Variants in PLET1 observed in about 807,000 individuals in gnomAD.
The protein encoded by PLET1 is placenta expressed transcript 1, also known as placenta-expressed transcript 1 protein.
In PLET1, 20 loss-of-function variants were observed where a neutral mutation model predicts 18.5. The observed-to-expected ratio is 1.08, with a 90% CI of 0.76 to 1.57. The LOEUF (loss-of-function observed/expected upper bound fraction) is 1.57. Ranked by LOEUF, PLET1 falls within the 40% of genes most tolerant of loss-of-function variation. The probability of loss-of-function intolerance (pLI) is 0.00; values close to 1 mark genes in which losing one functional copy is unlikely to be tolerated. For missense variants in PLET1, 256 were observed against 246.4 expected, an observed-to-expected ratio of 1.04 and a Z score of -0.26; for synonymous variants, 93 against 93.8, an observed-to-expected ratio of 0.99 and a Z score of 0.05.
chr11:112,250,602 C>G (rs1860145875), intron 3 of PLET1, among the ~76,000 whole-genome samples: 1 of 152,174 alleles, frequency 6.6e-6, no homozygotes, highest in Admixed American at 6.5e-5. Flanking sequence ...TTAGTTTAGT[C>G]TTTACATAGA....
At chr11:112,256,935 C>T (rs947660560) in intron 1 of PLET1, among the ~76,000 whole-genome samples, 2 of 152,236 alleles carry the variant, frequency 1.3e-5, no homozygotes, top group African/African-American at 4.8e-5. Context: ...TCCTAGGCAC[C>T]TATATTTTCT....
At chr11:112,250,276 A>G (rs1202390770) in intron 3 of PLET1, among the ~76,000 whole-genome samples, 1 of 111,828 alleles carries the variant, frequency 8.9e-6, no homozygotes, top group Non-Finnish European at 1.7e-5. Context: ...GGGAAGCAGG[A>G]GCCTAGGAGA....
In PLET1 at chr11:112,249,982, AAAG is replaced by A. The variant is rs1347722055; in HGVS notation, c.449-1011_449-1009del. On this transcript the variant is annotated intron_variant, in intron 3 of 3. Transcript: ENST00000338832. ...AAAAATTAAAAAAAAAAAAAAAAAA[AAAG>A]GAAAAGGAAGAAGGGGAATGTCCAG... Among the ~76,000 whole-genome samples, 710 of 149,430 alleles carry A rather than the reference AAAG, an allele frequency of 4.8e-3. 7 individuals carry two copies. Among genetic ancestry groups the A allele is most frequent in the African/African-American group, 0.016 (672 of 40,748 alleles).
intron 3 of PLET1, among the ~76,000 whole-genome samples, chr11:112,249,964 A>T (rs1427269398): frequency 3.5e-4 from 4 of 11,450 alleles, no homozygotes; most frequent in Non-Finnish European, 7.5e-4. Flanking sequence ...CTCAAAAATT[A>T]AAAAAAAAAA....
At chr11:112,251,627 G>T (rs1378127051) in intron 3 of PLET1, among the ~76,000 whole-genome samples, 1 of 152,048 alleles carries the variant, frequency 6.6e-6, no homozygotes, top group Non-Finnish European at 1.5e-5. Flanking sequence ...GCCCAGGTTG[G>T]TCTTGAGCTC....
rs553600012 is a variant in PLET1, at chr11:112,254,734, TGTG to T, written c.386+651_386+653del. On this transcript the variant is annotated intron_variant, in intron 2 of 3. Coordinates refer to ENST00000338832, the MANE Select transcript of PLET1 (RefSeq NM_001145024.1). ...GTGTGTGTTGTGAGTGTGTGTGTGG[TGTG>T]TGTGTGCTGTGTGTGTGGTGTGTGT... 5.9e-5 allele frequency among the ~76,000 whole-genome samples: 7 copies of T among 117,796 alleles called. No homozygotes were observed. The East Asian group carries it at 1.9e-3, about 33-fold the overall frequency. 77.3% of individuals were successfully genotyped at this position (117,796 alleles called of 152,430 possible).
intron 2 of PLET1, among the ~76,000 whole-genome samples, chr11:112,254,211 GT>G (rs1172696728): frequency 1.7e-4 from 25 of 149,480 alleles, no homozygotes; most frequent in African/African-American, 4.9e-4. Flanking sequence ...GTGTGTGTGT[GT>G]GTGTGTGAAA....
At chr11:112,254,526 ATGTGTGTGGTATG>A (rs1860192860) in intron 2 of PLET1, among the ~76,000 whole-genome samples, 1 of 85,572 alleles carries the variant, frequency 1.2e-5, no homozygotes. Flanking sequence ...TGTGGTATGT[ATGTGTGTGGTATG>A]TGTGTGTGTG....
In PLET1 at chr11:112,258,286, T is replaced by C. The variant is rs1371640443; in HGVS notation, c.184+2120A>G. Among the ~76,000 whole-genome samples the C allele has an allele frequency of 2.1e-3, 304 of 146,000 alleles. 1 individual carries two copies. Among genetic ancestry groups the C allele is most frequent in the East Asian group, 0.018 (92 of 5,038 alleles). On this transcript the variant is annotated intron_variant, in intron 1 of 3. Coordinates refer to ENST00000338832, the MANE Select transcript of PLET1 (RefSeq NM_001145024.1). ...TATGATAGATTTCTTTCTTTCTTTT[T>C]TTTTTTTTTTTTTTTGAGATAGAGT...
At chr11:112,255,963 A>G (rs541073906) in intron 1 of PLET1, among the ~76,000 whole-genome samples, 1 of 152,172 alleles carries the variant, frequency 6.6e-6, no homozygotes, top group Non-Finnish European at 1.5e-5. Context: ...GCCGGGGCCC[A>G]TTTCTCAGAT....
Position 112,248,880 on chromosome 11 carries a change from C to G in PLET1, c.543G>C (p.Leu181Phe). Residue 181 changes from leucine to phenylalanine, a missense_variant, in exon 4 of 4, where the codon TTG becomes TTC. Transcript: ENST00000338832. ...ITPKSIRLEG[L>F]ANQVFSSPIT... Reference sequence around the variant, plus strand: ...TGGGGCTGCTGAAGACTTGGTTGGCCAAGCCTTCGAGTCTGATACTCTTGG... The same window carrying G: ...TGGGGCTGCTGAAGACTTGGTTGGCGAAGCCTTCGAGTCTGATACTCTTGG... 6.4e-7 allele frequency: 1 copy of G among 1,551,500 alleles called. No individual in the cohort carries two copies. The highest frequency in any genetic ancestry group is 8.7e-7 in the Non-Finnish European group (1 of 1,146,984).
In PLET1 at chr11:112,260,450, A is replaced by G; in HGVS notation, c.140T>C (p.Ile47Thr). The change falls in exon 1 of 4, where the codon ATC becomes ACC. Residue 47 changes from isoleucine to threonine, a missense_variant. Ile to Thr is a moderately conservative substitution (Grantham distance 89). Coordinates refer to ENST00000338832, the MANE Select transcript of PLET1 (RefSeq NM_001145024.1). The part of the protein sequence containing the change: ...FDEYYTITLD[I>T]KASSHIYESN... ...TTCGTAGATATGTGAACTGGCCTTG[A>G]TGTCTAGGGTTATGGTGTAGTATTC... 1 of 1,551,872 alleles carries G rather than the reference A, an allele frequency of 6.4e-7. No homozygotes were observed. Among genetic ancestry groups the G allele is most frequent in the East Asian group, 2.4e-5 (1 of 40,920 alleles).
chr11:112,254,638 G>GT, intron 2 of PLET1, among the ~76,000 whole-genome samples: 1 of 133,864 alleles, frequency 7.5e-6, no homozygotes, highest in East Asian at 2.4e-4. Context: ...GAGTGTGTGT[G>GT]GTGTGTGGTG....
In PLET1 at chr11:112,255,518, C is replaced by A. The variant is rs1398297284; in HGVS notation, c.256G>T (p.Gly86Cys). Residue 86 changes from glycine to cysteine, a missense_variant, in exon 2 of 4, where the codon GGC becomes TGC. Transcript: ENST00000338832. Reference protein sequence around the residue: ...KTLDENSDSAGLWQRADKNCY... With the variant: ...KTLDENSDSACLWQRADKNCY... ...TTTTTATCCGCTCTTTGCCAGAGGCCCGCTGAGTCACTGTTCTCGTCCAAG... is the reference window on the plus strand; with the variant it reads ...TTTTTATCCGCTCTTTGCCAGAGGCACGCTGAGTCACTGTTCTCGTCCAAG... 1.3e-6 allele frequency: 2 copies of A among 1,551,672 alleles called. No homozygotes were observed. The highest frequency in any genetic ancestry group is 1.7e-6 in the Non-Finnish European group (2 of 1,146,888).
intron 2 of PLET1, among the ~76,000 whole-genome samples, chr11:112,254,762 T>TGG: frequency 4.3e-5 from 1 of 23,300 alleles, no homozygotes; most frequent in East Asian, 1.3e-3. Context: ...GTGGTGTGTG[T>TGG]GCTGCGTGTG....
intron 2 of PLET1, 121 bp downstream of exon 2, chr11:112,255,267 G>T: frequency 9.9e-7 from 1 of 1,013,218 alleles, no homozygotes; most frequent in Non-Finnish European, 1.5e-6. Flanking sequence ...AATGAAGTGC[G>T]ACTGCTGAGT....
At chr11:112,253,663 A>G (rs1206401285) in intron 2 of PLET1, among the ~76,000 whole-genome samples, 1 of 152,154 alleles carries the variant, frequency 6.6e-6, no homozygotes, top group East Asian at 1.9e-4. Context: ...TGTCATTGGG[A>G]AGCTGGATTG....
In PLET1 at chr11:112,255,579, G is replaced by T; in HGVS notation, c.195C>A (p.Pro65=). 6.4e-7 allele frequency: 1 copy of T among 1,550,916 alleles called. No individual in the cohort carries two copies. Among genetic ancestry groups the T allele is most frequent in the South Asian group, 1.2e-5 (1 of 84,028 alleles). ...ESNAVYSVFV[P]VNDSVYAVVM... ...CCACAGCATAGACGCTGTCATTCAC[G>T]GGAACAAATACTGGGAGGAAATGAT... The change falls in exon 2 of 4, where the codon CCC becomes CCA. Residue 65 remains proline, a synonymous_variant. Transcript: ENST00000338832.
intron 1 of PLET1, among the ~76,000 whole-genome samples, chr11:112,256,341 G>T (rs1380956168): frequency 2.0e-5 from 3 of 152,090 alleles, no homozygotes; most frequent in African/African-American, 7.2e-5. Context: ...TTTCAGCCAC[G>T]CAAAATTTCT....
Sources: gnomAD v4.1 joint callset for allele counts (sites outside exome capture counted in the v4.1 genomes callset) on GRCh38, gnomAD v4.1.1 for gene constraint, MANE v1.5 for transcripts, NCBI Gene and HGNC (gene_info 2026-07-23, HGNC 2026-07-21) for gene names.